ZMIZ1: variants seen among roughly 807,000 people sequenced by gnomAD.
ZMIZ1 encodes the protein zinc finger MIZ domain-containing protein 1.
A neutral mutation model predicts 113.9 loss-of-function variants in ZMIZ1; 17 were observed. That is an observed-to-expected ratio of 0.15 (90% CI 0.10 to 0.22). The LOEUF is 0.22. Among genes scored for constraint, ZMIZ1 ranks in the 10% least tolerant of loss-of-function variants. The pLI is 1.00. For synonymous variants in ZMIZ1, 607 were observed against 603.1 expected, an observed-to-expected ratio of 1.01 and a Z score of -0.09; for missense variants, 1,059 against 1,477.8, an observed-to-expected ratio of 0.72 and a Z score of 4.65.
At chr10:79,299,283 G>T in intron 16 of ZMIZ1, 92 bp downstream of exon 16, 2 of 1,495,154 alleles carry the variant, frequency 1.3e-6, no homozygotes, top group Non-Finnish European at 1.8e-6. Context: ...CTGGGCAGGG[G>T]GTAGCAGCAT....
chr10:79,301,563 G>A (rs1010235302), intron 17 of ZMIZ1, among the ~76,000 whole-genome samples: 2 of 152,198 alleles, frequency 1.3e-5, no homozygotes, highest in African/African-American at 4.8e-5. Flanking sequence ...CTCTGTGGAG[G>A]CATGGAGAAG....
At chr10:79,195,581 C>T (rs749299281) in intron 4 of ZMIZ1, among the ~76,000 whole-genome samples, 1 of 152,220 alleles carries the variant, frequency 6.6e-6, no homozygotes, top group Non-Finnish European at 1.5e-5. Context: ...GCGGAGGCAG[C>T]GGCCCAGCTG....
chr10:79,265,839 A>G (rs946875474), intron 7 of ZMIZ1, among the ~76,000 whole-genome samples: 16 of 152,160 alleles, frequency 1.1e-4, no homozygotes, highest in African/African-American at 3.4e-4. Flanking sequence ...GAGTCCTGCA[A>G]GCATCGGCTG....
intron 4 of ZMIZ1, among the ~76,000 whole-genome samples, chr10:79,191,977 T>C (rs1465446414): frequency 1.3e-5 from 2 of 152,234 alleles, no homozygotes; most frequent in African/African-American, 4.8e-5. Flanking sequence ...CTTTCCACTC[T>C]GAGGAAACAA....
At chr10:79,127,125 G>T (rs996973288) in intron 2 of ZMIZ1, among the ~76,000 whole-genome samples, 9 of 152,152 alleles carry the variant, frequency 5.9e-5, no homozygotes, top group African/African-American at 2.2e-4. Context: ...ACAGGGAGGG[G>T]ACAATATTTA....
rs1260362890 is a variant in ZMIZ1, at chr10:79,314,702, A to T, written c.*1953A>T. ...CTTCTTTTTTTTTAAACAAAAACAA[A>T]AAAAGCAACCAGGGCTATTTGTACA... On this transcript the variant is annotated 3_prime_UTR_variant, in exon 25 of 25. Coordinates refer to ENST00000334512, the MANE Select transcript of ZMIZ1 (RefSeq NM_020338.4). 5.8e-5 allele frequency: 10 copies of T among 172,962 alleles called. No homozygotes were observed. The highest frequency in any genetic ancestry group is 5.4e-4 in the South Asian group (4 of 7,466). 10.7% of individuals were successfully genotyped at this position (172,962 alleles called of 1,614,324 possible). A position where few individuals can be genotyped will look rare whatever the true frequency, so the allele number is the denominator to read the frequency against.
Position 79,194,076 on chromosome 10 carries a change from C to A in ZMIZ1, c.-49-7508C>A, listed in dbSNP as rs995060143. On this transcript the variant is annotated intron_variant, in intron 4 of 24. Coordinates refer to ENST00000334512, the MANE Select transcript of ZMIZ1 (RefSeq NM_020338.4). The stretch of plus-strand genomic sequence containing the variant: ...TGTCTTGGAACGCAGCCTCTGCTCG[C>A]GGGCTGTAGGCAGAGCTGCCCACTC... Among the ~76,000 whole-genome samples the A allele has an allele frequency of 2.1e-4, 32 of 152,224 alleles. 1 individual carries two copies. Among genetic ancestry groups the A allele is most frequent in the African/African-American group, 7.2e-4 (30 of 41,472 alleles).
At chr10:79,299,317 G>A in intron 16 of ZMIZ1, 126 bp downstream of exon 16, 1 of 1,346,580 alleles carries the variant, frequency 7.4e-7, no homozygotes, top group Non-Finnish European at 9.9e-7. Context: ...CACGTGTTCA[G>A]CATCATTGAC....
At chr10:79,261,423 G>C (rs1305664193) in intron 7 of ZMIZ1, among the ~76,000 whole-genome samples, 1 of 152,210 alleles carries the variant, frequency 6.6e-6, no homozygotes, top group Non-Finnish European at 1.5e-5. Flanking sequence ...GGAGAGAGCT[G>C]CGTGCTGATT....
rs1855330731 is a variant in ZMIZ1 at position 79,313,397 on chromosome 10, G to A, written c.*648G>A. 1.3e-5 allele frequency: 2 copies of A among 155,902 alleles called. No individual in the cohort carries two copies. Among genetic ancestry groups the A allele is most frequent in the African/African-American group, 4.8e-5 (2 of 41,442 alleles). The allele number at this position is 155,902 out of a possible 1,614,324, so 9.7% of individuals were successfully genotyped here. A position where few individuals can be genotyped will look rare whatever the true frequency, so the allele number is the denominator to read the frequency against. ...GATACCCCATAAACACACTCAGAAA[G>A]CAGAGAAAAAGGACAAGAGTCTGTG... On this transcript the variant is annotated 3_prime_UTR_variant, in exon 25 of 25. Coordinates refer to ENST00000334512, the MANE Select transcript of ZMIZ1 (RefSeq NM_020338.4).
chr10:79,152,102 G>A (rs182677857), intron 3 of ZMIZ1, among the ~76,000 whole-genome samples: 2 of 152,194 alleles, frequency 1.3e-5, no homozygotes, highest in Non-Finnish European at 2.9e-5. Flanking sequence ...CCTTGGGCAG[G>A]TCCCCTTCCT....
chr10:79,108,975 G>A (rs577847254), intron 1 of ZMIZ1, among the ~76,000 whole-genome samples: 23 of 152,174 alleles, frequency 1.5e-4, no homozygotes, highest in African/African-American at 5.5e-4. Flanking sequence ...TGCACCTGAG[G>A]CTGTCCACAT....
chr10:79,113,634 C>G (rs189683721), intron 1 of ZMIZ1, among the ~76,000 whole-genome samples: 6 of 152,338 alleles, frequency 3.9e-5, no homozygotes, highest in Admixed American at 1.3e-4. Context: ...GTGCTTTTGC[C>G]TGAGTTATTC....
chr10:79,283,502 T>G (rs1432899561), intron 8 of ZMIZ1, among the ~76,000 whole-genome samples: 1 of 152,206 alleles, frequency 6.6e-6, no homozygotes, highest in East Asian at 1.9e-4. Context: ...TGCTTATTCA[T>G]GGCCAAACAA....
intron 3 of ZMIZ1, among the ~76,000 whole-genome samples, chr10:79,156,175 A>G (rs1845897139): frequency 6.6e-6 from 1 of 152,174 alleles, no homozygotes. Context: ...TGAAATGAAC[A>G]ACTTCTAGAA....
intron 4 of ZMIZ1, among the ~76,000 whole-genome samples, chr10:79,180,973 C>CT (rs1447676138): frequency 6.6e-6 from 1 of 152,240 alleles, no homozygotes; most frequent in Non-Finnish European, 1.5e-5. Context: ...CCTCCCACTG[C>CT]TTTTTTCTGA....
intron 4 of ZMIZ1, among the ~76,000 whole-genome samples, chr10:79,165,738 G>A (rs918595881): frequency 1.3e-5 from 2 of 152,142 alleles, no homozygotes; most frequent in African/African-American, 2.4e-5. Context: ...ACAGCTCCCC[G>A]TGGTCACGGG....
intron 7 of ZMIZ1, among the ~76,000 whole-genome samples, chr10:79,224,775 T>C (rs995630507): frequency 6.6e-5 from 10 of 151,150 alleles, no homozygotes; most frequent in African/African-American, 2.2e-4. Context: ...TGTGTCTGAG[T>C]GTGGGTTCCC....
At chr10:79,293,717 C>T (rs944371730) in intron 12 of ZMIZ1, 64 bp downstream of exon 12, 23 of 1,610,748 alleles carry the variant, frequency 1.4e-5, no homozygotes, top group Non-Finnish European at 1.8e-5. Flanking sequence ...AGACATGGGC[C>T]GTGGGTACGG....
Sources: gnomAD v4.1 joint callset for allele counts (sites outside exome capture counted in the v4.1 genomes callset) on GRCh38, gnomAD v4.1.1 for gene constraint, MANE v1.5 for transcripts, NCBI Gene and HGNC (gene_info 2026-07-23, HGNC 2026-07-21) for gene names.